Variants in HPCAL1 observed in about 807,000 individuals in gnomAD.
HPCAL1 encodes the protein hippocalcin-like protein 1.
Under a neutral mutation model 17.1 loss-of-function variants are expected in HPCAL1, and 8 were observed. The observed-to-expected ratio is 0.47, with a 90% CI of 0.27 to 0.84. HPCAL1 has a LOEUF of 0.84. Ranked by LOEUF, HPCAL1 falls within the 40% of genes least tolerant of loss-of-function variation. The pLI is 0.13. For missense variants in HPCAL1, 165 were observed against 271.1 expected, an observed-to-expected ratio of 0.61 and a Z score of 2.75; for synonymous variants, 112 against 111.4, an observed-to-expected ratio of 1.01 and a Z score of -0.03.
At chr2:10,352,227 G>A (rs1023832817) in intron 1 of HPCAL1, among the ~76,000 whole-genome samples, 3 of 152,078 alleles carry the variant, frequency 2.0e-5, no homozygotes, top group African/African-American at 7.2e-5. Flanking sequence ...TGTGTGAACC[G>A]CAAGTGTTCT....
chr2:10,327,636 A>G (rs1483864609), intron 1 of HPCAL1, among the ~76,000 whole-genome samples: 1 of 152,234 alleles, frequency 6.6e-6, no homozygotes, highest in South Asian at 2.1e-4. Flanking sequence ...TAACATGGGG[A>G]TCAATGGCTT....
At chr2:10,372,843 CTG>C (rs1328273645) in intron 1 of HPCAL1, among the ~76,000 whole-genome samples, 2 of 152,240 alleles carry the variant, frequency 1.3e-5, no homozygotes, top group Admixed American at 1.3e-4. Context: ...GACCCCAAAA[CTG>C]TGGCCAGTTC....
intron 1 of HPCAL1, among the ~76,000 whole-genome samples, chr2:10,318,925 A>G (rs1316829968): frequency 6.6e-6 from 1 of 152,144 alleles, no homozygotes. Context: ...GTCTGCCGGG[A>G]CCACTGCCAT....
At chr2:10,332,454 C>T (rs1664442532) in intron 1 of HPCAL1, among the ~76,000 whole-genome samples, 2 of 152,024 alleles carry the variant, frequency 1.3e-5, no homozygotes, top group Non-Finnish European at 2.9e-5. Context: ...CCCCCTGCCC[C>T]TTATCTAGAA....
chr2:10,399,262 T>TCACCACCACCACCACCACCACCAC, intron 2 of HPCAL1, among the ~76,000 whole-genome samples: 2 of 14,294 alleles, frequency 1.4e-4, no homozygotes, highest in East Asian at 3.1e-3. Context: ...ACCACCACCA[T>TCACCACCACCACCACCACCACCAC]CACCACCACC....
In HPCAL1 at chr2:10,331,205, C is replaced by T. The variant is rs559710429; in HGVS notation, c.-111+28028C>T. Among the ~76,000 whole-genome samples, 5 of 152,204 alleles carry T rather than the reference C, an allele frequency of 3.3e-5. No individual in the cohort carries two copies. The South Asian group carries it at 1.0e-3, about 32-fold the overall frequency. On this transcript the variant is annotated intron_variant, in intron 1 of 4. Transcript: ENST00000307845. This position sits in a 1 kb window ranked among gnomAD's most constrained non-coding sequence, Gnocchi z 5.0. ...TCTGGGGACAGCCTGGACTCTCCTG[C>T]CTGCCCCCAGGTGCCCCCGGCCCAG...
At chr2:10,424,290 C>T (rs1019382423) in intron 4 of HPCAL1, 12 of 349,718 alleles carry the variant, frequency 3.4e-5, no homozygotes, top group African/African-American at 1.7e-4. Context: ...AAAACACACA[C>T]ACACAGAAAA....
intron 1 of HPCAL1, among the ~76,000 whole-genome samples, chr2:10,373,115 C>T (rs2125517196): frequency 6.6e-6 from 1 of 152,352 alleles, no homozygotes; most frequent in Middle Eastern, 3.4e-3. Context: ...GAGCTGCGAG[C>T]CGGGGCCGGG....
chr2:10,320,041 G>T (rs571855195), intron 1 of HPCAL1, among the ~76,000 whole-genome samples: 1 of 152,090 alleles, frequency 6.6e-6, no homozygotes, highest in South Asian at 2.1e-4. Context: ...GCAGCCCCCC[G>T]AGTCCCCTTT....
rs1662913148 is a variant in HPCAL1 at position 10,310,868 on chromosome 2, A to G, written c.-111+7691A>G. On this transcript the variant is annotated intron_variant, in intron 1 of 4. Transcript: ENST00000307845. This position sits in a 1 kb window ranked among gnomAD's most constrained non-coding sequence, Gnocchi z 4.5. ...TCAGCTCTCTGCCTTCTTTCTGTGC[A>G]TTTAACAGACGTTTCCAGAAAGCAG... Among the ~76,000 whole-genome samples the G allele has an allele frequency of 6.6e-6, 1 of 152,112 alleles. No homozygotes were observed. Among genetic ancestry groups the G allele is most frequent in the Admixed American group, 6.5e-5 (1 of 15,274 alleles).
At chr2:10,312,798 T>C (rs1184256211) in intron 1 of HPCAL1, among the ~76,000 whole-genome samples, 1 of 151,336 alleles carries the variant, frequency 6.6e-6, no homozygotes, top group Non-Finnish European at 1.5e-5. Flanking sequence ...ATTGTCACCA[T>C]CGTCACCATC....
At chr2:10,411,178 A>G (rs1429358615) in intron 2 of HPCAL1, among the ~76,000 whole-genome samples, 1 of 152,170 alleles carries the variant, frequency 6.6e-6, no homozygotes, top group Non-Finnish European at 1.5e-5. Context: ...CCTGGCGAGC[A>G]CAAGCAGAGT....
intron 2 of HPCAL1, among the ~76,000 whole-genome samples, chr2:10,402,582 G>A (rs79336134): frequency 6.6e-5 from 10 of 152,278 alleles, no homozygotes; most frequent in East Asian, 5.8e-4. Context: ...CACCGAGGGC[G>A]GCTGGAACAT....
rs62128247 is a variant in HPCAL1, at chr2:10,342,017, A to G, written c.-111+38840A>G. On this transcript the variant is annotated intron_variant, in intron 1 of 4. Coordinates refer to ENST00000307845, the MANE Select transcript of HPCAL1 (RefSeq NM_002149.4). The surrounding 1 kb of genome is among the most constrained non-coding windows in gnomAD (Gnocchi z 4.1). ...GATAAAGTTTTTTTTTTTTTTTTAAATTAGCCAGATGTGGTGGTGGTGTGC... is the reference window on the plus strand; with the variant it reads ...GATAAAGTTTTTTTTTTTTTTTTAAGTTAGCCAGATGTGGTGGTGGTGTGC... Among the ~76,000 whole-genome samples, 1 of 150,142 alleles carries G rather than the reference A, an allele frequency of 6.7e-6. No individual in the cohort carries two copies. Among genetic ancestry groups the G allele is most frequent in the East Asian group, 1.9e-4 (1 of 5,130 alleles).
rs1173520672 is a variant in HPCAL1, at chr2:10,419,513, A to C, written c.-24-221A>C. On this transcript the variant is annotated intron_variant, in intron 2 of 4. Transcript: ENST00000307845. This position sits in a 1 kb window ranked among gnomAD's most constrained non-coding sequence, Gnocchi z 5.0. ...CGCATTTCCACATTCTCCAAGTGAG[A>C]ACGTGTCCCGCAGTGTGAGGGTGAG... Among the ~76,000 whole-genome samples the C allele has an allele frequency of 6.6e-6, 1 of 151,568 alleles. No homozygotes were observed. Among genetic ancestry groups the C allele is most frequent in the Non-Finnish European group, 1.5e-5 (1 of 67,958 alleles).
Position 10,395,589 on chromosome 2 carries a change from C to A in HPCAL1, c.-110-1246C>A, listed in dbSNP as rs563278407. On this transcript the variant is annotated intron_variant, in intron 1 of 4. Transcript: ENST00000307845. This position sits in a 1 kb window ranked among gnomAD's most constrained non-coding sequence, Gnocchi z 4.4. ...GTGTTCTAGGGTGAACAAGCCACTT[C>A]GTCTAGTGGGTGCTTGTAAAGCGGG... 6.6e-6 allele frequency among the ~76,000 whole-genome samples: 1 copy of A among 152,106 alleles called. No homozygotes were observed. The highest frequency in any genetic ancestry group is 6.5e-5 in the Admixed American group (1 of 15,274).
chr2:10,399,082 T>A (rs1304447621), intron 2 of HPCAL1, among the ~76,000 whole-genome samples: 1 of 151,764 alleles, frequency 6.6e-6, no homozygotes, highest in Non-Finnish European at 1.5e-5. Flanking sequence ...CTGAGGCTGA[T>A]ACCCGTGTCA....
In HPCAL1 at chr2:10,422,985, C is replaced by T. The variant is rs1208815954; in HGVS notation, c.381C>T (p.Ala127=). The change falls in exon 4 of 5, where the codon GCC becomes GCT. Residue 127 remains alanine (A), a splice_region_variant and synonymous_variant. Transcript: ENST00000307845. ...AGTGTCATTGCCCCCATCCGCAGGC[C>T]ATCTACAAGATGGTGTCGTCTGTGA... ...SRSEMLEIVQ[A]IYKMVSSVMK... is the part of the protein sequence containing the mutation. 4 of 1,611,126 alleles carry T rather than the reference C, an allele frequency of 2.5e-6. No individual in the cohort carries two copies. Among genetic ancestry groups the T allele is most frequent in the Non-Finnish European group, 3.4e-6 (4 of 1,177,926 alleles).
At chr2:10,424,215 G>A (rs1018457573) in intron 4 of HPCAL1, 4 of 322,304 alleles carry the variant, frequency 1.2e-5, no homozygotes, top group African/African-American at 6.5e-5. Flanking sequence ...TGGCCCCAGC[G>A]GGAGACGGGA....
Sources: gnomAD v4.1 joint callset for allele counts (sites outside exome capture counted in the v4.1 genomes callset) on GRCh38, gnomAD v4.1.1 for gene constraint, Gnocchi (gnomAD v3.1) non-coding constraint, MANE v1.5 for transcripts, NCBI Gene and HGNC (gene_info 2026-07-23, HGNC 2026-07-21) for gene names.